OIP5: variants seen among roughly 807,000 people sequenced by gnomAD.
The protein encoded by OIP5 is protein Mis18-beta.
Under a neutral mutation model 20.3 loss-of-function variants are expected in OIP5, and 24 were observed. The observed-to-expected ratio is 1.18, with a 90% CI of 0.86 to 1.66. The LOEUF is 1.66. Among genes scored for constraint, OIP5 ranks in the 40% most tolerant of loss-of-function variants. OIP5 has a pLI of 0.00. For missense variants in OIP5, 339 were observed against 289.5 expected, an observed-to-expected ratio of 1.17 and a Z score of -1.24; for synonymous variants, 143 against 121.3, an observed-to-expected ratio of 1.18 and a Z score of -1.17.
intron 4 of OIP5, 25 bp from the exon 5 acceptor site, chr15:41,309,874 C>A: frequency 6.7e-7 from 1 of 1,503,016 alleles, no homozygotes; most frequent in South Asian, 1.1e-5. Context: ...ATATAGATAT[C>A]AGGGCATCTT....
intron 4 of OIP5, among the ~76,000 whole-genome samples, chr15:41,312,717 C>A (rs1487336170): frequency 1.3e-5 from 2 of 151,464 alleles, no homozygotes; most frequent in African/African-American, 2.4e-5. Flanking sequence ...GCAACCTCCA[C>A]CTCCCAGTTC....
In OIP5 at chr15:41,324,448, A is replaced by C. The variant is rs182653360; in HGVS notation, c.390-4668T>G. Among the ~76,000 whole-genome samples, 16 of 152,236 alleles carry C rather than the reference A, an allele frequency of 1.1e-4. No individual in the cohort carries two copies. In the East Asian group the frequency reaches 2.9e-3, roughly 28 times the overall value. On this transcript the variant is annotated intron_variant, in intron 2 of 4. Coordinates refer to ENST00000220514, the MANE Select transcript of OIP5 (RefSeq NM_007280.2). ...TACTCATACCACTCAAACTTTCTCC[A>C]TATCAGCTTATCACTGGAATAGCAC... is the stretch of plus-strand genomic sequence containing the variant.
chr15:41,321,466 T>C (rs1595501682), intron 2 of OIP5, among the ~76,000 whole-genome samples: 1 of 152,166 alleles, frequency 6.6e-6, no homozygotes, highest in African/African-American at 2.4e-5. Flanking sequence ...ACAATGGCAG[T>C]TTTGTGGAAT....
At chr15:41,324,072 A>G (rs1321930744) in intron 2 of OIP5, among the ~76,000 whole-genome samples, 1 of 143,384 alleles carries the variant, frequency 7.0e-6, no homozygotes, top group Non-Finnish European at 1.5e-5. Context: ...GCTCCATTGC[A>G]GCCTCGACCT....
intron 3 of OIP5, among the ~76,000 whole-genome samples, chr15:41,314,554 C>T (rs2047778341): frequency 6.6e-6 from 1 of 151,810 alleles, no homozygotes; most frequent in Non-Finnish European, 1.5e-5. Flanking sequence ...ATAATCCCAG[C>T]ACTTTGGGAG....
At position 41,313,356 on chromosome 15, in the gene OIP5, T is replaced by C. The variant is rs751892090; in HGVS notation, c.513-2A>G. On this transcript the variant is annotated splice_acceptor_variant, in intron 3 of 4. Transcript: ENST00000220514. LOFTEE classifies it high-confidence loss of function. ...ATGGCTTTTGTTTTTAAGAGATAGC[T>C]AGATAGGAAAAAAGAAAAATATTAG... 26 of 1,557,478 alleles carry C rather than the reference T, an allele frequency of 1.7e-5. No homozygotes were observed. The highest frequency in any genetic ancestry group is 2.1e-5 in the Non-Finnish European group (24 of 1,136,616).
intron 4 of OIP5, among the ~76,000 whole-genome samples, chr15:41,311,842 AGGTGTGAGCC>A (rs2047756457): frequency 5.8e-5 from 6 of 103,478 alleles, no homozygotes; most frequent in Admixed American, 9.7e-5. Flanking sequence ...CTGGGATTAC[AGGTGTGAGCC>A]ACCGCACCCA....
intron 2 of OIP5, among the ~76,000 whole-genome samples, chr15:41,323,558 C>T (rs1355584490): frequency 6.6e-6 from 1 of 152,096 alleles, no homozygotes; most frequent in Non-Finnish European, 1.5e-5. Context: ...ACAGCCTTGA[C>T]ATCCCAGACT....
At chr15:41,318,052 C>T in intron 3 of OIP5, among the ~76,000 whole-genome samples, 1 of 152,176 alleles carries the variant, frequency 6.6e-6, no homozygotes. Flanking sequence ...TACAAATATA[C>T]AAGGCCCCAC....
chr15:41,331,339 G>C (rs566565826), intron 2 of OIP5, among the ~76,000 whole-genome samples: 3 of 152,144 alleles, frequency 2.0e-5, no homozygotes, highest in Non-Finnish European at 4.4e-5. Context: ...AATTAGCCCT[G>C]GCATAGCTTA....
At chr15:41,328,128 T>C (rs1009125047) in intron 2 of OIP5, among the ~76,000 whole-genome samples, 12 of 152,284 alleles carry the variant, frequency 7.9e-5, no homozygotes, top group Non-Finnish European at 8.8e-5. Flanking sequence ...TACCAAAATA[T>C]TTATGGATGG....
chr15:41,330,895 T>TC (rs766534216), intron 2 of OIP5, among the ~76,000 whole-genome samples: 15 of 152,168 alleles, frequency 9.9e-5, no homozygotes, highest in Non-Finnish European at 2.1e-4. Flanking sequence ...TCAGGAACCT[T>TC]CTGCCTCTGG....
At chr15:41,321,267 C>T (rs991214098) in intron 2 of OIP5, among the ~76,000 whole-genome samples, 2 of 149,438 alleles carry the variant, frequency 1.3e-5, no homozygotes, top group Non-Finnish European at 3.0e-5. Flanking sequence ...TCCAGCCCCC[C>T]GCCCGGCCAG....
intron 2 of OIP5, among the ~76,000 whole-genome samples, chr15:41,329,063 C>CAAAAAAAAAA (rs1166517767): frequency 5.2e-4 from 26 of 50,356 alleles, no homozygotes; most frequent in African/African-American, 6.1e-4. Flanking sequence ...GACTCCATCT[C>CAAAAAAAAAA]AAAAAAAAAA....
chr15:41,323,971 T>G lies in OIP5; in HGVS notation c.390-4191A>C, dbSNP rs146989259. Among the ~76,000 whole-genome samples, 932 of 149,976 alleles carry G rather than the reference T, an allele frequency of 6.2e-3. 15 individuals carry two copies. The highest frequency in any genetic ancestry group is 0.021 in the African/African-American group (875 of 40,724). ...AGAAGGTTTCTTTCCTTAAATCTCA[T>G]GAACCAACCTCTGCTTTTTTTTTTT... On this transcript the variant is annotated intron_variant, in intron 2 of 4. Coordinates refer to ENST00000220514, the MANE Select transcript of OIP5 (RefSeq NM_007280.2).
At chr15:41,328,573 T>G (rs1359481740) in intron 2 of OIP5, among the ~76,000 whole-genome samples, 1 of 152,162 alleles carries the variant, frequency 6.6e-6, no homozygotes, top group Non-Finnish European at 1.5e-5. Context: ...TTAGTTACAA[T>G]AAATCCTCTA....
intron 4 of OIP5, 104 bp from the exon 5 acceptor site, chr15:41,309,953 T>C (rs1185772529): frequency 1.2e-5 from 8 of 688,070 alleles, no homozygotes; most frequent in Admixed American, 2.7e-5. Context: ...CAGTGGCACA[T>C]TCATAGTTCA....
rs1377756425 is a variant in OIP5 at position 41,332,306 on chromosome 15, C to G, written c.256G>C (p.Val86Leu). The change falls in exon 1 of 5, where the codon GTG (valine) becomes CTG (leucine). Residue 86 changes from valine to leucine, a missense_variant. Transcript: ENST00000220514. ...AVFQCAQCHA[V>L]LADSVHLAWD... Reference sequence around the variant, plus strand: ...GCGAGGTGCACCGAGTCGGCGAGCACTGCGTGACACTGTGCGCACTGGAAC... The same window carrying G: ...GCGAGGTGCACCGAGTCGGCGAGCAGTGCGTGACACTGTGCGCACTGGAAC... 1.3e-6 allele frequency: 2 copies of G among 1,596,012 alleles called. No individual in the cohort carries two copies. The highest frequency in any genetic ancestry group is 1.8e-5 in the Admixed American group (1 of 56,352).
chr15:41,315,914 G>A lies in OIP5; in HGVS notation c.513-2560C>T, dbSNP rs2047786157. Among the ~76,000 whole-genome samples the A allele has an allele frequency of 2.0e-5, 3 of 152,082 alleles. No individual in the cohort carries two copies. In the East Asian group the frequency reaches 5.8e-4, roughly 29 times the overall value. ...AATCCCAGCACTTTAGGTGGCCAAG[G>A]CAGGAGATCAAGACCATGCTGGCTA... On this transcript the variant is annotated intron_variant, in intron 3 of 4. Coordinates refer to ENST00000220514, the MANE Select transcript of OIP5 (RefSeq NM_007280.2).
Sources: gnomAD v4.1 joint callset for allele counts (sites outside exome capture counted in the v4.1 genomes callset) on GRCh38, gnomAD v4.1.1 for gene constraint, MANE v1.5 for transcripts, NCBI Gene and HGNC (gene_info 2026-07-23, HGNC 2026-07-21) for gene names.